Variants in GTF2F2 observed in about 807,000 individuals in gnomAD.
The protein encoded by GTF2F2 is general transcription factor IIF subunit 2.
GTF2F2 carries 23 observed loss-of-function variants against 42.2 expected under a neutral mutation model. That is an observed-to-expected ratio of 0.55 (90% CI 0.39 to 0.77). GTF2F2 has a LOEUF of 0.77. Among genes scored for constraint, GTF2F2 ranks in the 30% least tolerant of loss-of-function variants. The probability of loss-of-function intolerance (pLI) is 0.00; values close to 1 mark genes in which losing one functional copy is unlikely to be tolerated. For synonymous variants in GTF2F2, 105 were observed against 100.8 expected (o/e 1.04, Z -0.25); for missense variants, 261 against 287.2 (o/e 0.91, Z 0.66).
intron 5 of GTF2F2, among the ~76,000 whole-genome samples, chr13:45,210,499 C>T (rs942970739): frequency 2.6e-5 from 4 of 152,210 alleles, no homozygotes; most frequent in South Asian, 4.1e-4. Context: ...TTCTTCATAG[C>T]ACACGTCACC....
At chr13:45,188,921 T>A (rs955852123) in intron 4 of GTF2F2, among the ~76,000 whole-genome samples, 5 of 152,044 alleles carry the variant, frequency 3.3e-5, no homozygotes, top group Admixed American at 2.6e-4. Flanking sequence ...TTTTTTTTTT[T>A]AATTTAAGTT....
chr13:45,129,029 T>C (rs1474316467), intron 1 of GTF2F2, among the ~76,000 whole-genome samples: 4 of 152,230 alleles, frequency 2.6e-5, no homozygotes, highest in Admixed American at 6.5e-5. Context: ...TAAATCGTAG[T>C]CTCCAGTAGT....
intron 7 of GTF2F2, among the ~76,000 whole-genome samples, chr13:45,271,628 T>TACAACCTCCACCTCCCGGGTTCAAGAA (rs1876798058): frequency 1.3e-5 from 2 of 151,980 alleles, no homozygotes; most frequent in African/African-American, 4.8e-5. Context: ...CTCAGCTCAC[T>TACAACCTCCACCTCCCGGGTTCAAGAA]ACAACCTCCA....
At chr13:45,170,573 C>A (rs1206495667) in intron 4 of GTF2F2, among the ~76,000 whole-genome samples, 1 of 152,106 alleles carries the variant, frequency 6.6e-6, no homozygotes, top group Non-Finnish European at 1.5e-5. Context: ...GTACTCTGTA[C>A]ACAGAATATT....
intron 6 of GTF2F2, among the ~76,000 whole-genome samples, chr13:45,264,515 C>T (rs1016370035): frequency 2.6e-5 from 4 of 152,082 alleles, no homozygotes; most frequent in Non-Finnish European, 5.9e-5. Flanking sequence ...AATGATCCGC[C>T]CACTTTGTCC....
intron 7 of GTF2F2, among the ~76,000 whole-genome samples, chr13:45,280,369 T>G (rs1877211965): frequency 6.6e-6 from 1 of 152,232 alleles, no homozygotes; most frequent in South Asian, 2.1e-4. Context: ...CTTTAGAGAT[T>G]TTCCCTTCAG....
intron 4 of GTF2F2, among the ~76,000 whole-genome samples, chr13:45,191,228 T>A (rs371703797): frequency 0.019 from 1,472 of 78,310 alleles, 23 homozygotes; most frequent in African/African-American, 0.023. Context: ...AAAAAAAATA[T>A]ATATATATAT....
At chr13:45,162,928 AC>A (rs1593463920) in intron 4 of GTF2F2, among the ~76,000 whole-genome samples, 1 of 99,210 alleles carries the variant, frequency 1.0e-5, no homozygotes, top group Non-Finnish European at 2.0e-5. Context: ...CCCACCCCCC[AC>A]CCCCTAACCC....
In GTF2F2 at chr13:45,120,533, G is replaced by C; in HGVS notation, c.-123G>C. ...TCCTCGGTTCCCAGTGTTCTGGCAG[G>C]TAAGGAACGCCGGCTCTTCGCCTCT... On this transcript the variant is annotated 5_prime_UTR_variant, in exon 1 of 8. Transcript: ENST00000340473. 1 of 692,040 alleles carries C rather than the reference G, an allele frequency of 1.4e-6. No individual in the cohort carries two copies. The allele number at this position is 692,040 out of a possible 1,614,324, so 42.9% of individuals were successfully genotyped here. A position where few individuals can be genotyped will look rare whatever the true frequency, so the allele number is the denominator to read the frequency against.
chr13:45,194,710 G>A (rs1008202478), intron 4 of GTF2F2: 11 of 721,306 alleles, frequency 1.5e-5, no homozygotes, highest in East Asian at 7.8e-5. Context: ...CTGTCAGCTC[G>A]GTTTTGCAGT....
At chr13:45,191,089 C>T (rs895471734) in intron 4 of GTF2F2, among the ~76,000 whole-genome samples, 6 of 150,390 alleles carry the variant, frequency 4.0e-5, no homozygotes, top group African/African-American at 1.2e-4. Context: ...TAGTAAAAGC[C>T]GGCCGGGCGC....
intron 4 of GTF2F2, among the ~76,000 whole-genome samples, chr13:45,184,030 AT>A (rs894624655): frequency 6.6e-6 from 1 of 151,040 alleles, no homozygotes; most frequent in African/African-American, 2.4e-5. Context: ...TAATTATTGT[AT>A]TTTTTTTAGA....
At chr13:45,133,660 G>A (rs1869475256) in intron 1 of GTF2F2, among the ~76,000 whole-genome samples, 1 of 152,172 alleles carries the variant, frequency 6.6e-6, no homozygotes, top group Non-Finnish European at 1.5e-5. Flanking sequence ...TAGGCACTAG[G>A]CAAACCTAGA....
chr13:45,230,497 A>G lies in GTF2F2; in HGVS notation c.387-22374A>G, dbSNP rs190768664. Among the ~76,000 whole-genome samples, 283 of 152,328 alleles carry G rather than the reference A, an allele frequency of 1.9e-3. 1 individual carries two copies. Among genetic ancestry groups the G allele is most frequent in the Middle Eastern group, 0.014 (4 of 294 alleles). On this transcript the variant is annotated intron_variant, in intron 5 of 7. Transcript: ENST00000340473. ...TTGGTAAGCATGGCTTTTCGTCTCA[A>G]GGTTTACACATATAAAAGCAAGGAC... is the stretch of plus-strand genomic sequence containing the variant.
intron 4 of GTF2F2, among the ~76,000 whole-genome samples, chr13:45,153,694 T>C (rs1037787010): frequency 6.6e-6 from 1 of 152,040 alleles, no homozygotes; most frequent in Non-Finnish European, 1.5e-5. Context: ...AGTTTTAGGT[T>C]TGGCCGGGCA....
At chr13:45,157,517 C>T (rs1870821150) in intron 4 of GTF2F2, among the ~76,000 whole-genome samples, 1 of 143,678 alleles carries the variant, frequency 7.0e-6, no homozygotes, top group East Asian at 2.0e-4. Context: ...TATAGTAATC[C>T]AGGGGAGACA....
intron 5 of GTF2F2, among the ~76,000 whole-genome samples, chr13:45,232,347 C>T (rs1316834986): frequency 2.0e-5 from 3 of 152,124 alleles, no homozygotes; most frequent in African/African-American, 7.2e-5. Context: ...TACTTCTTGG[C>T]TGGGCATGAT....
At chr13:45,192,932 G>A (rs1343153899) in intron 4 of GTF2F2, 1 of 152,150 alleles carries the variant, frequency 6.6e-6, no homozygotes, top group East Asian at 1.9e-4. Context: ...TGGGAACTCA[G>A]CCTGCAAAGA....
intron 2 of GTF2F2, among the ~76,000 whole-genome samples, chr13:45,145,210 G>A (rs1870135051): frequency 6.6e-6 from 1 of 152,310 alleles, no homozygotes; most frequent in South Asian, 2.1e-4. Flanking sequence ...TCCCAGGGAA[G>A]TAATAGGTGA....
Sources: allele counts gnomAD v4.1 joint callset (sites outside exome capture counted in the v4.1 genomes callset), GRCh38; gene constraint gnomAD v4.1.1; transcripts MANE v1.5; gene names NCBI Gene and HGNC (gene_info 2026-07-23, HGNC 2026-07-21).